The following CFAP52 variants were observed in gnomAD, a reference collection of about 807,000 sequenced individuals.
CFAP52 encodes cilia- and flagella-associated protein 52.
CFAP52 carries 57 observed loss-of-function variants against 70.5 expected under a neutral mutation model. The ratio of observed to expected loss-of-function variants is 0.81; its 90% CI spans 0.65 to 1.01. The LOEUF is 1.01. CFAP52 is among the 50% of genes least tolerant of loss of function. CFAP52 has a pLI of 0.00. For missense variants in CFAP52, 785 were observed against 788.5 expected, an observed-to-expected ratio of 1.00 and a Z score of 0.05; for synonymous variants, 267 against 292.5, an observed-to-expected ratio of 0.91 and a Z score of 0.89.
At chr17:9,579,886 T>A (rs927218519) in intron 1 of CFAP52, among the ~76,000 whole-genome samples, 5 of 152,234 alleles carry the variant, frequency 3.3e-5, no homozygotes, top group Admixed American at 3.3e-4. Flanking sequence ...GAATTTTAAC[T>A]TTATGGTATC....
At chr17:9,629,500 CT>C (rs1390651666) in intron 9 of CFAP52, among the ~76,000 whole-genome samples, 2 of 133,574 alleles carry the variant, frequency 1.5e-5, no homozygotes, top group African/African-American at 3.6e-5. Context: ...TCTTTCTTTT[CT>C]TTTCTTTCTT....
In CFAP52 at chr17:9,608,175, C is replaced by T. The variant is rs146548028; in HGVS notation, c.810C>T (p.Ala270=). The T allele has an allele frequency of 2.7e-4, 431 of 1,612,252 alleles. 1 individual carries two copies. Among genetic ancestry groups the T allele is most frequent in the Middle Eastern group, 2.2e-3 (13 of 5,918 alleles). ...GGGGTTTGTTGGTGGGCTCTGGAGC[C>T]GGACTGCTGGTCTTCTGTAAAAGCC... ...KMGGLLVGSG[A]GLLVFCKSPG... The change falls in exon 7 of 14, where the codon GCC becomes GCT. Residue 270 remains alanine, a synonymous_variant. Coordinates refer to ENST00000352665, the MANE Select transcript of CFAP52 (RefSeq NM_145054.5).
chr17:9,593,782 C>G (rs1035652167), intron 3 of CFAP52, among the ~76,000 whole-genome samples: 1 of 151,968 alleles, frequency 6.6e-6, no homozygotes, highest in East Asian at 1.9e-4. Context: ...CTGGCCAACA[C>G]GGTGAAACCC....
At chr17:9,593,880 G>T (rs766648979) in intron 3 of CFAP52, among the ~76,000 whole-genome samples, 2 of 151,944 alleles carry the variant, frequency 1.3e-5, no homozygotes, top group African/African-American at 4.8e-5. Flanking sequence ...CAGGAGAATC[G>T]CTTGAATCCA....
chr17:9,607,734 T>C (rs1909552571), intron 6 of CFAP52, among the ~76,000 whole-genome samples: 1 of 152,180 alleles, frequency 6.6e-6, no homozygotes, highest in South Asian at 2.1e-4. Context: ...GATGTAAAAG[T>C]GTTAATTTTT....
rs1443557078 is a variant in CFAP52 at position 9,586,768 on chromosome 17, T to C, written c.341T>C (p.Ile114Thr). ...LARLSLHKGK[I>T]EALAFSPNDL... Reference sequence around the variant, plus strand: ...CGGCTGTCCCTTCACAAAGGCAAAATTGAAGCTCTGGCCTTTTCTCCAAAT... The same window carrying C: ...CGGCTGTCCCTTCACAAAGGCAAAACTGAAGCTCTGGCCTTTTCTCCAAAT... The change falls in exon 3 of 14, where the codon ATT becomes ACT. Residue 114 changes from isoleucine (I) to threonine (T), a missense_variant. Ile to Thr is a moderately conservative substitution (Grantham distance 89). Transcript: ENST00000352665. The C allele has an allele frequency of 2.5e-6, 4 of 1,613,780 alleles. No individual in the cohort carries two copies. Among genetic ancestry groups the C allele is most frequent in the Admixed American group, 3.3e-5 (2 of 59,960 alleles).
chr17:9,645,450 G>A (rs542941374), downstream of CFAP52: 153 of 447,730 alleles, frequency 3.4e-4, no homozygotes, highest in African/African-American at 2.9e-3. This position sits in a 1 kb window ranked among gnomAD's most constrained non-coding sequence, Gnocchi z 6.8. Context: ...GGGGCTGGTC[G>A]TGCCGCCGGA....
rs1169569415 is a variant in CFAP52 at position 9,628,681 on chromosome 17, T to G, written c.1035T>G (p.Ala345=). ...VEDIVFPFGT[A]ELFATCAKKD... ...GATGGCTTCCTTGCAGTGGCACTGC[T>G]GAGCTATTTGCAACCTGTGCCAAGA... The change falls in exon 9 of 14, where the codon GCT becomes GCG. Residue 345 remains alanine (A), a synonymous_variant. Transcript: ENST00000352665. 1.9e-6 allele frequency: 3 copies of G among 1,613,914 alleles called. No individual in the cohort carries two copies. In the South Asian group the frequency reaches 3.3e-5, roughly 18 times the overall value.
chr17:9,584,438 G>A, intron 1 of CFAP52: 1 of 1,168,874 alleles, frequency 8.6e-7, no homozygotes, highest in Non-Finnish European at 1.1e-6. Context: ...AGGCATACTT[G>A]ACATATTAAG....
At position 9,635,499 on chromosome 17, in the gene CFAP52, A is replaced by C; in HGVS notation, c.1415A>C (p.Asn472Thr). Residue 472 changes from asparagine (N) to threonine (T), a missense_variant, in exon 11 of 14, where the codon AAC becomes ACC. Physicochemically the swap from Asn to Thr is moderately conservative, Grantham distance 65. Transcript: ENST00000352665. ...GTGTCCTGCATTAGGGTGAAGAGGA[A>C]CAACGAGGAGTGTGTCACCGCCAGC... ...SSVSCIRVKR[N>T]NEECVTASTD... 3 of 1,614,208 alleles carry C rather than the reference A, an allele frequency of 1.9e-6. No homozygotes were observed. Among genetic ancestry groups the C allele is most frequent in the East Asian group, 4.5e-5 (2 of 44,888 alleles).
At position 9,631,054 on chromosome 17, in the gene CFAP52, GAA is replaced by G. The variant is rs1491323562; in HGVS notation, c.1175-1832_1175-1831del. On this transcript the variant is annotated intron_variant, in intron 9 of 13. Coordinates refer to ENST00000352665, the MANE Select transcript of CFAP52 (RefSeq NM_145054.5). ...AGAGAGAGAGAGAGAGAGAGAGAGA[GAA>G]AGAAAGAAAGAAAGAAAGAAAGAAA... Among the ~76,000 whole-genome samples the G allele has an allele frequency of 1.2e-3, 121 of 103,632 alleles. 1 individual carries two copies. The highest frequency in any genetic ancestry group is 2.2e-3 in the African/African-American group (54 of 24,218). 68.0% of individuals were successfully genotyped at this position (103,632 alleles called of 152,430 possible). A position where few individuals can be genotyped will look rare whatever the true frequency, so the allele number is the denominator to read the frequency against.
chr17:9,644,080 C>G (rs2315574), downstream of CFAP52, among the ~76,000 whole-genome samples: 25 of 152,218 alleles, frequency 1.6e-4, no homozygotes, highest in Admixed American at 3.9e-4. Flanking sequence ...ACTGCTGTAA[C>G]CCGGTTTGAA....
In CFAP52 at chr17:9,584,306, G is replaced by C. The variant is rs1262893692; in HGVS notation, c.71-1467G>C. ...GTAGTGTTACCTTGGCAGATATTTG[G>C]AGTACGGGAGTTGCCTGTGGAAAGA... is the stretch of plus-strand genomic sequence containing the variant. On this transcript the variant is annotated intron_variant, in intron 1 of 13. Coordinates refer to ENST00000352665, the MANE Select transcript of CFAP52 (RefSeq NM_145054.5). 5 of 1,289,360 alleles carry C rather than the reference G, an allele frequency of 3.9e-6. No individual in the cohort carries two copies. In the South Asian group the frequency reaches 5.0e-5, roughly 13 times the overall value. 79.9% of individuals were successfully genotyped at this position (1,289,360 alleles called of 1,614,324 possible).
intron 2 of CFAP52, among the ~76,000 whole-genome samples, chr17:9,586,380 A>G (rs1241489162): frequency 6.6e-6 from 1 of 152,122 alleles, no homozygotes; most frequent in South Asian, 2.1e-4. Flanking sequence ...CCTAGCCAAC[A>G]TGGTGAAACC....
chr17:9,633,269 A>G (rs1489345383), intron 10 of CFAP52, among the ~76,000 whole-genome samples: 2 of 152,198 alleles, frequency 1.3e-5, no homozygotes, highest in African/African-American at 2.4e-5. Flanking sequence ...CAGTGGCTCA[A>G]TCTTGGCTCG....
chr17:9,599,330 C>T (rs891102183), intron 5 of CFAP52, among the ~76,000 whole-genome samples: 8 of 152,158 alleles, frequency 5.3e-5, no homozygotes, highest in African/African-American at 1.9e-4. Flanking sequence ...CTTCATTCTC[C>T]ATGGACTGAT....
chr17:9,584,122 G>A (rs1908341497), intron 1 of CFAP52: 1 of 1,116,064 alleles, frequency 9.0e-7, no homozygotes, highest in Middle Eastern at 3.9e-4. Flanking sequence ...GTTCTTACCA[G>A]GCTGGTCAGC....
At chr17:9,581,044 T>C (rs930149216) in intron 1 of CFAP52, among the ~76,000 whole-genome samples, 2 of 152,112 alleles carry the variant, frequency 1.3e-5, no homozygotes, top group African/African-American at 4.8e-5. Flanking sequence ...TGGCCAGGCG[T>C]GGTGGCTCAC....
At chr17:9,596,067 A>G (rs531577388) in intron 4 of CFAP52, among the ~76,000 whole-genome samples, 9,235 of 84,678 alleles carry the variant, frequency 0.11, 483 homozygotes, top group Middle Eastern at 0.13. Flanking sequence ...GTGTATATAT[A>G]TATATATATA....
Sources: gnomAD v4.1 joint callset for allele counts (sites outside exome capture counted in the v4.1 genomes callset) on GRCh38, gnomAD v4.1.1 for gene constraint, Gnocchi (gnomAD v3.1) non-coding constraint, MANE v1.5 for transcripts, NCBI Gene and HGNC (gene_info 2026-07-23, HGNC 2026-07-21) for gene names.